Variants in ACBD6 observed in about 807,000 individuals in gnomAD.
The protein encoded by ACBD6 is acyl-CoA binding domain containing 6, also known as acyl-CoA-binding domain-containing protein 6.
ACBD6 carries 28 observed loss-of-function variants against 37.2 expected under a neutral mutation model. The observed-to-expected ratio is 0.75, with a 90% CI of 0.56 to 1.03. The LOEUF is 1.03. Among genes scored for constraint, ACBD6 ranks in the 50% least tolerant of loss-of-function variants. ACBD6 has a pLI of 0.00. For synonymous variants in ACBD6, 113 were observed against 126.8 expected (o/e 0.89, Z 0.73); for missense variants, 340 against 337.4 (o/e 1.01, Z -0.06).
chr1:180,468,134 G>C (rs545743325), intron 3 of ACBD6, among the ~76,000 whole-genome samples: 2 of 152,306 alleles, frequency 1.3e-5, no homozygotes, highest in African/African-American at 4.8e-5. Flanking sequence ...GACCAATGTA[G>C]CTCAGAACCA....
chr1:180,415,577 G>C (rs2101975958), intron 4 of ACBD6, among the ~76,000 whole-genome samples: 1 of 152,312 alleles, frequency 6.6e-6, no homozygotes, highest in Non-Finnish European at 1.5e-5. Flanking sequence ...TAAAGTCATA[G>C]CAATACTACA....
chr1:180,477,275 CA>C (rs1262398544), intron 3 of ACBD6, among the ~76,000 whole-genome samples: 1 of 152,014 alleles, frequency 6.6e-6, no homozygotes, highest in African/African-American at 2.4e-5. Context: ...CCTCAGAAAG[CA>C]AAACTATAGA....
chr1:180,404,119 T>C (rs1647504691), intron 5 of ACBD6, among the ~76,000 whole-genome samples: 1 of 151,902 alleles, frequency 6.6e-6, no homozygotes, highest in South Asian at 2.1e-4. Context: ...CCTGACTAAT[T>C]TTTGTATTTT....
intron 4 of ACBD6, among the ~76,000 whole-genome samples, chr1:180,421,343 A>G (rs1648354546): frequency 6.6e-6 from 1 of 152,162 alleles, no homozygotes; most frequent in Non-Finnish European, 1.5e-5. Flanking sequence ...AAAGGACATG[A>G]TCTTGTTCCT....
chr1:180,310,766 T>C (rs1189926351), intron 7 of ACBD6, among the ~76,000 whole-genome samples: 2 of 152,224 alleles, frequency 1.3e-5, no homozygotes, highest in Non-Finnish European at 2.9e-5. Context: ...GCTGTAACAG[T>C]TGACACTCTC....
chr1:180,360,177 T>C (rs1333963019), intron 6 of ACBD6, among the ~76,000 whole-genome samples: 3 of 152,218 alleles, frequency 2.0e-5, no homozygotes, highest in Non-Finnish European at 4.4e-5. Context: ...TTTTCTCTTC[T>C]GCACCTTCTC....
intron 6 of ACBD6, among the ~76,000 whole-genome samples, chr1:180,327,636 G>C (rs144161857): frequency 6.6e-6 from 1 of 152,240 alleles, no homozygotes; most frequent in Non-Finnish European, 1.5e-5. Flanking sequence ...CCAATTTAAA[G>C]ACTAATTAAT....
intron 3 of ACBD6, among the ~76,000 whole-genome samples, chr1:180,462,597 T>G (rs1650190607): frequency 1.3e-5 from 2 of 152,202 alleles, no homozygotes; most frequent in South Asian, 4.1e-4. Flanking sequence ...TTTGGAGACC[T>G]TTAAAGAGAC....
intron 6 of ACBD6, among the ~76,000 whole-genome samples, chr1:180,333,417 G>A (rs1297075082): frequency 6.6e-6 from 1 of 152,202 alleles, no homozygotes; most frequent in Non-Finnish European, 1.5e-5. Flanking sequence ...GTATGAAAAA[G>A]GCAAATAATG....
chr1:180,296,708 G>A (rs1191688550), intron 7 of ACBD6, among the ~76,000 whole-genome samples: 1 of 152,076 alleles, frequency 6.6e-6, no homozygotes, highest in East Asian at 2.0e-4. Context: ...TGGGATTACA[G>A]GCATGAGCCA....
At chr1:180,306,057 G>T (rs1208839255) in intron 7 of ACBD6, among the ~76,000 whole-genome samples, 7 of 142,750 alleles carry the variant, frequency 4.9e-5, no homozygotes, top group Admixed American at 3.7e-4. Flanking sequence ...ATGAGAACAC[G>T]TGGACACAGG....
At chr1:180,295,514 CA>C (rs1649883598) in intron 7 of ACBD6, among the ~76,000 whole-genome samples, 1 of 75,834 alleles carries the variant, frequency 1.3e-5, no homozygotes, top group Non-Finnish European at 4.4e-5. Context: ...ACAGATAATG[CA>C]TTTTTTTTTT....
intron 4 of ACBD6, among the ~76,000 whole-genome samples, chr1:180,425,995 T>C (rs1648567278): frequency 6.6e-6 from 1 of 152,248 alleles, no homozygotes; most frequent in Admixed American, 6.5e-5. Flanking sequence ...TGTTTAAAAA[T>C]GGAAACTTTA....
chr1:180,344,127 GAA>G (rs1327054781), intron 6 of ACBD6, among the ~76,000 whole-genome samples: 5 of 152,038 alleles, frequency 3.3e-5, no homozygotes, highest in African/African-American at 1.2e-4. Context: ...TGCAACAGAG[GAA>G]AAAGAGACTG....
At chr1:180,306,733 A>G (rs1397997049) in intron 7 of ACBD6, among the ~76,000 whole-genome samples, 1 of 152,202 alleles carries the variant, frequency 6.6e-6, no homozygotes, top group Admixed American at 6.5e-5. Context: ...GAAGGTCCCA[A>G]TGTTTAAATC....
At chr1:180,359,386 T>G (rs1027179791) in intron 6 of ACBD6, among the ~76,000 whole-genome samples, 1 of 152,118 alleles carries the variant, frequency 6.6e-6, no homozygotes, top group African/African-American at 2.4e-5. Flanking sequence ...TATTATACAG[T>G]ATTTCCAGGA....
intron 6 of ACBD6, among the ~76,000 whole-genome samples, chr1:180,332,455 T>C (rs1321742626): frequency 6.6e-6 from 1 of 152,140 alleles, no homozygotes; most frequent in Non-Finnish European, 1.5e-5. Context: ...TCCTCATCAC[T>C]CACATTACCA....
Position 180,492,310 on chromosome 1 carries a change from T to C in ACBD6, c.343A>G (p.Ile115Val), listed in dbSNP as rs1025417979. 6.2e-7 allele frequency: 1 copy of C among 1,614,176 alleles called. No homozygotes were observed. Among genetic ancestry groups the C allele is most frequent in the Admixed American group, 1.7e-5 (1 of 60,036 alleles). Residue 115 changes from isoleucine (I) to valine (V), a missense_variant, in exon 3 of 8, where the codon ATC becomes GTC. Transcript: ENST00000367595. Reference protein sequence around the residue: ...SSPSQAMQEYIAVVKKLDPGW... With the variant: ...SSPSQAMQEYVAVVKKLDPGW... ...GGATCTAGTTTTTTAACTACTGCGA[T>C]ATATTCCTGCATTGCTTGGCTGGGG...
At chr1:180,421,195 T>A (rs1399408413) in intron 4 of ACBD6, among the ~76,000 whole-genome samples, 3 of 152,124 alleles carry the variant, frequency 2.0e-5, no homozygotes, top group Admixed American at 6.6e-5. Flanking sequence ...GAGCTTAGTG[T>A]GTGTTGTTTC....
Sources: allele counts gnomAD v4.1 joint callset (sites outside exome capture counted in the v4.1 genomes callset), GRCh38; gene constraint gnomAD v4.1.1; transcripts MANE v1.5; gene names NCBI Gene and HGNC (gene_info 2026-07-23, HGNC 2026-07-21).